Variants in RAI14 observed in about 807,000 individuals in gnomAD.
The protein encoded by RAI14 is retinoic acid induced 14.
Under a neutral mutation model 115.4 loss-of-function variants are expected in RAI14, and 45 were observed. The ratio of observed to expected loss-of-function variants is 0.39; its 90% CI spans 0.31 to 0.50. The LOEUF is 0.50. Ranked by LOEUF, RAI14 falls within the 20% of genes least tolerant of loss-of-function variation. The pLI, the probability that RAI14 is intolerant of heterozygous loss-of-function variation, is 0.85. For missense variants in RAI14, 939 were observed against 1,131.2 expected, an observed-to-expected ratio of 0.83 and a Z score of 2.44; for synonymous variants, 371 against 415.4, an observed-to-expected ratio of 0.89 and a Z score of 1.30.
chr5:34,662,437 A>G (rs1742764478), intron 1 of RAI14, among the ~76,000 whole-genome samples: 1 of 152,188 alleles, frequency 6.6e-6, no homozygotes. Flanking sequence ...ACAAAGCTAA[A>G]TATATCAGAG....
At chr5:34,754,979 C>T (rs536027651) in intron 2 of RAI14, among the ~76,000 whole-genome samples, 1 of 152,138 alleles carries the variant, frequency 6.6e-6, no homozygotes, top group African/African-American at 2.4e-5. Flanking sequence ...TCCTTTTGAT[C>T]TTCCCAGTCC....
At chr5:34,704,597 T>TAG (rs1740458052) in intron 2 of RAI14, among the ~76,000 whole-genome samples, 1 of 152,224 alleles carries the variant, frequency 6.6e-6, no homozygotes, top group Non-Finnish European at 1.5e-5. Flanking sequence ...TTAAATAAGA[T>TAG]AGAAATGCAA....
chr5:34,660,180 C>T (rs1742584271), intron 1 of RAI14, among the ~76,000 whole-genome samples: 1 of 152,044 alleles, frequency 6.6e-6, no homozygotes, highest in South Asian at 2.1e-4. Context: ...TGTCTCAGCT[C>T]CCAGCACTTT....
intron 2 of RAI14, among the ~76,000 whole-genome samples, chr5:34,741,929 G>A (rs1745569299): frequency 6.6e-6 from 1 of 152,188 alleles, no homozygotes; most frequent in Non-Finnish European, 1.5e-5. Context: ...ATCCACACGT[G>A]TCATTGTGCC....
chr5:34,757,550 G>T lies in RAI14; in HGVS notation c.119G>T (p.Gly40Val). Residue 40 changes from glycine (G) to valine (V), a missense_variant, in exon 3 of 18, where the codon GGC (glycine) becomes GTC (valine). Physicochemically the swap from Gly to Val is moderately radical, Grantham distance 109. Coordinates refer to ENST00000265109, the MANE Select transcript of RAI14 (RefSeq NM_015577.3). ...GCGGAGAAGGTGGCCTCACTGCTCG[G>T]CAAGAAGGGGGCCAGTGCCACCAAA... ...GDAEKVASLL[G>V]KKGASATKHD... is the part of the protein sequence containing the mutation. 1 of 1,613,892 alleles carries T rather than the reference G, an allele frequency of 6.2e-7. No individual in the cohort carries two copies. Among genetic ancestry groups the T allele is most frequent in the Non-Finnish European group, 8.5e-7 (1 of 1,179,974 alleles).
intron 2 of RAI14, among the ~76,000 whole-genome samples, chr5:34,718,085 G>A (rs1742212570): frequency 6.6e-6 from 1 of 152,054 alleles, no homozygotes; most frequent in African/African-American, 2.4e-5. Context: ...AAATGGGAAG[G>A]CACAGTATAT....
intron 1 of RAI14, among the ~76,000 whole-genome samples, chr5:34,673,603 G>A (rs75541200): frequency 0.12 from 17,579 of 152,098 alleles, 2,816 homozygotes; most frequent in African/African-American, 0.36. Flanking sequence ...ATACTTTGGT[G>A]CCCGAGGGCA....
In RAI14 at chr5:34,663,441, A is replaced by G. The variant is rs139716602; in HGVS notation, c.-49+6966A>G. ...TGAGGTGGGAGGATCACCTCAACCC[A>G]TGAGATCGAGGGTTGCAGTGAGCCA... is the stretch of plus-strand genomic sequence containing the variant. On this transcript the variant is annotated intron_variant, in intron 1 of 17. Coordinates refer to ENST00000265109, the MANE Select transcript of RAI14 (RefSeq NM_015577.3). Among the ~76,000 whole-genome samples the G allele has an allele frequency of 9.4e-3, 1,426 of 152,276 alleles. 16 individuals are homozygous for G. The highest frequency in any genetic ancestry group is 0.012 in the Non-Finnish European group (797 of 68,020).
chr5:34,724,969 G>C (rs975090790), intron 2 of RAI14, among the ~76,000 whole-genome samples: 1 of 151,886 alleles, frequency 6.6e-6, no homozygotes, highest in African/African-American at 2.4e-5. Context: ...CCAAGCTTGT[G>C]CACTCCCATG....
At chr5:34,821,602 C>A in intron 13 of RAI14, 130 bp from the exon 14 acceptor site, 1 of 610,504 alleles carries the variant, frequency 1.6e-6, no homozygotes, top group South Asian at 2.1e-5. Flanking sequence ...TTCACCCATC[C>A]AGCTGCTAGG....
chr5:34,675,610 G>C (rs112657814), intron 1 of RAI14, among the ~76,000 whole-genome samples: 16,709 of 152,008 alleles, frequency 0.11, 2,488 homozygotes, highest in African/African-American at 0.34. Flanking sequence ...AATTAGTTGG[G>C]TGTGGTGATG....
chr5:34,752,347 C>T (rs534907247), intron 2 of RAI14, among the ~76,000 whole-genome samples: 5 of 152,268 alleles, frequency 3.3e-5, no homozygotes, highest in African/African-American at 1.2e-4. Context: ...AAATCAGCAG[C>T]AAATACTGAG....
At chr5:34,685,322 C>G (rs1744745513) in intron 1 of RAI14, among the ~76,000 whole-genome samples, 1 of 152,026 alleles carries the variant, frequency 6.6e-6, no homozygotes, top group Non-Finnish European at 1.5e-5. Context: ...CTGGATGGAA[C>G]TGGAGGCCGT....
intron 10 of RAI14, among the ~76,000 whole-genome samples, chr5:34,813,159 A>G (rs1409659775): frequency 1.3e-5 from 2 of 152,230 alleles, no homozygotes; most frequent in African/African-American, 2.4e-5. Context: ...GTAACCTTCA[A>G]AAATGAAGTT....
At chr5:34,745,998 T>C (rs1746136523) in intron 2 of RAI14, among the ~76,000 whole-genome samples, 1 of 151,488 alleles carries the variant, frequency 6.6e-6, no homozygotes. Context: ...CGACCCCAAT[T>C]CACAAAGATC....
chr5:34,793,115 A>C (rs1210715505), intron 3 of RAI14, among the ~76,000 whole-genome samples: 2 of 152,230 alleles, frequency 1.3e-5, no homozygotes, highest in Non-Finnish European at 2.9e-5. Flanking sequence ...ATTTAGGTTG[A>C]TATCAGGGAT....
At chr5:34,821,644 T>C (rs1756842565) in intron 13 of RAI14, 88 bp from the exon 14 acceptor site, 1 of 786,384 alleles carries the variant, frequency 1.3e-6, no homozygotes, top group South Asian at 1.7e-5. Context: ...GAAGAAGAAC[T>C]GGATTAGGCT....
chr5:34,797,825 C>T (rs1012954054), intron 4 of RAI14, among the ~76,000 whole-genome samples: 2 of 152,146 alleles, frequency 1.3e-5, no homozygotes, highest in African/African-American at 4.8e-5. Context: ...TGTATGTCCT[C>T]TTAAGTAGGA....
Position 34,804,906 on chromosome 5 carries a change from T to C in RAI14, c.321+1130T>C, listed in dbSNP as rs150835019. On this transcript the variant is annotated intron_variant, in intron 5 of 17. Transcript: ENST00000265109. ...AATTGATTTATGTTTTAAATCTCCA[T>C]TCCCATTCTGGCTTGGCTATCCAGA... Among the ~76,000 whole-genome samples the C allele has an allele frequency of 1.8e-3, 274 of 152,322 alleles. 2 individuals are homozygous for C. Among genetic ancestry groups the C allele is most frequent in the African/African-American group, 6.4e-3 (266 of 41,572 alleles).
Sources: gnomAD v4.1 joint callset for allele counts (sites outside exome capture counted in the v4.1 genomes callset) on GRCh38, gnomAD v4.1.1 for gene constraint, MANE v1.5 for transcripts, NCBI Gene and HGNC (gene_info 2026-07-23, HGNC 2026-07-21) for gene names.